Variants in NEGR1 observed in about 807,000 individuals in gnomAD.
NEGR1 encodes IgLON family member 4.
A neutral mutation model predicts 40.9 loss-of-function variants in NEGR1; 10 were observed. The observed-to-expected ratio is 0.24, with a 90% CI of 0.15 to 0.42. NEGR1 has a LOEUF of 0.42. NEGR1 is among the 10% of genes least tolerant of loss of function. The pLI is 1.00. For synonymous variants in NEGR1, 185 were observed against 166.8 expected, an observed-to-expected ratio of 1.11 and a Z score of -0.84; for missense variants, 352 against 438.9, an observed-to-expected ratio of 0.80 and a Z score of 1.77.
intron 6 of NEGR1, among the ~76,000 whole-genome samples, chr1:71,540,821 G>A (rs942072264): frequency 2.6e-4 from 40 of 151,846 alleles, no homozygotes; most frequent in African/African-American, 7.9e-4. Context: ...AGGCTATACA[G>A]GAAGCGTGGC....
intron 2 of NEGR1, among the ~76,000 whole-genome samples, chr1:71,867,421 T>C (rs1660150495): frequency 6.6e-6 from 1 of 152,196 alleles, no homozygotes. Context: ...ATAGCATTAA[T>C]CAAAATTGTT....
intron 1 of NEGR1, among the ~76,000 whole-genome samples, chr1:72,052,187 G>A (rs140022524): frequency 8.3e-4 from 125 of 151,514 alleles, no homozygotes; most frequent in African/African-American, 3.0e-3. Flanking sequence ...ACTTTCAAAT[G>A]CTATAGAAAG....
chr1:71,627,592 C>T (rs1328188357), intron 4 of NEGR1, among the ~76,000 whole-genome samples: 1 of 152,022 alleles, frequency 6.6e-6, no homozygotes, highest in East Asian at 1.9e-4. Flanking sequence ...GTGTCTCTGA[C>T]ATATCTTTAA....
intron 1 of NEGR1, among the ~76,000 whole-genome samples, chr1:72,023,440 G>T (rs936918303): frequency 1.3e-5 from 2 of 151,498 alleles, no homozygotes; most frequent in Non-Finnish European, 2.9e-5. Context: ...ATTTATCAGG[G>T]GAATTTTAAA....
chr1:71,774,482 T>TA (rs1186125878), intron 3 of NEGR1, among the ~76,000 whole-genome samples: 1 of 152,122 alleles, frequency 6.6e-6, no homozygotes, highest in Admixed American at 6.6e-5. Context: ...ATAATACCAA[T>TA]ACTAAGCATG....
At chr1:72,082,134 G>T (rs2100529670) in intron 1 of NEGR1, among the ~76,000 whole-genome samples, 1 of 152,162 alleles carries the variant, frequency 6.6e-6, no homozygotes, top group African/African-American at 2.4e-5. Context: ...ACCAAAAGAA[G>T]AATGAGTTTC....
chr1:71,480,920 G>A (rs1007885527), intron 6 of NEGR1, among the ~76,000 whole-genome samples: 1 of 151,832 alleles, frequency 6.6e-6, no homozygotes, highest in East Asian at 1.9e-4. Flanking sequence ...TATATAACTA[G>A]TAAAGATTGG....
intron 2 of NEGR1, among the ~76,000 whole-genome samples, chr1:71,866,110 C>G (rs1053482168): frequency 2.5e-4 from 38 of 152,076 alleles, no homozygotes; most frequent in African/African-American, 7.7e-4. Flanking sequence ...CAAAAGACAC[C>G]TTTCCCTTTA....
intron 6 of NEGR1, among the ~76,000 whole-genome samples, chr1:71,522,312 C>T (rs1340791492): frequency 2.0e-5 from 3 of 151,840 alleles, no homozygotes; most frequent in Non-Finnish European, 2.9e-5. Context: ...TATATAAATC[C>T]TTGAATTTAA....
intron 1 of NEGR1, among the ~76,000 whole-genome samples, chr1:72,232,656 T>G (rs1654406825): frequency 6.6e-6 from 1 of 152,122 alleles, no homozygotes. Flanking sequence ...AGGGCCCTTT[T>G]TTTCACTTTT....
intron 6 of NEGR1, among the ~76,000 whole-genome samples, chr1:71,496,048 G>A (rs1444918432): frequency 6.6e-6 from 1 of 152,096 alleles, no homozygotes; most frequent in Non-Finnish European, 1.5e-5. Flanking sequence ...ATATGAGCAA[G>A]ACCATCTACA....
intron 2 of NEGR1, among the ~76,000 whole-genome samples, chr1:71,850,153 G>A (rs1478322483): frequency 4.0e-5 from 6 of 151,652 alleles, no homozygotes; most frequent in East Asian, 1.9e-4. Context: ...TTGTTTGTTT[G>A]TTTGTTTGTT....
intron 1 of NEGR1, among the ~76,000 whole-genome samples, chr1:71,957,944 T>C (rs1448711207): frequency 2.0e-5 from 3 of 152,226 alleles, no homozygotes; most frequent in African/African-American, 4.8e-5. Flanking sequence ...ATTTTTATTA[T>C]ACTGAGGCCT....
intron 1 of NEGR1, among the ~76,000 whole-genome samples, chr1:72,050,969 T>C (rs1350883941): frequency 3.3e-5 from 5 of 151,450 alleles, no homozygotes; most frequent in African/African-American, 1.2e-4. Context: ...CAATCAAGCC[T>C]TCAGATTTGA....
At chr1:72,279,191 G>C (rs940119000) in intron 1 of NEGR1, among the ~76,000 whole-genome samples, 2 of 152,074 alleles carry the variant, frequency 1.3e-5, no homozygotes, top group African/African-American at 4.8e-5. Context: ...CAAAATGATA[G>C]ATACAGTTAG....
intron 6 of NEGR1, among the ~76,000 whole-genome samples, chr1:71,524,024 A>G (rs1443928695): frequency 6.6e-6 from 1 of 151,774 alleles, no homozygotes; most frequent in East Asian, 1.9e-4. Flanking sequence ...TGCTTTTGCT[A>G]TTTCAAAATT....
intron 6 of NEGR1, among the ~76,000 whole-genome samples, chr1:71,453,082 CTT>C (rs968800092): frequency 8.5e-5 from 13 of 152,132 alleles, no homozygotes; most frequent in Non-Finnish European, 4.4e-5. Flanking sequence ...TATATAGCAT[CTT>C]TCATGCTCCA....
intron 1 of NEGR1, among the ~76,000 whole-genome samples, chr1:72,165,703 C>G (rs143956284): frequency 6.6e-6 from 1 of 151,982 alleles, no homozygotes; most frequent in Admixed American, 6.6e-5. Context: ...TGTCCATTCT[C>G]GGCATCTAAA....
chr1:72,112,347 C>G (rs979225741), intron 1 of NEGR1, among the ~76,000 whole-genome samples: 1 of 150,792 alleles, frequency 6.6e-6, no homozygotes, highest in Non-Finnish European at 1.5e-5. Flanking sequence ...CAGAGTTCTT[C>G]GTTTATACTA....
Sources: allele counts gnomAD v4.1 joint callset (sites outside exome capture counted in the v4.1 genomes callset), GRCh38; gene constraint gnomAD v4.1.1; transcripts MANE v1.5; gene names NCBI Gene and HGNC (gene_info 2026-07-23, HGNC 2026-07-21).